The following AACS variants were observed in gnomAD, a reference collection of about 807,000 sequenced individuals.
AACS encodes the protein acetoacetate-CoA ligase.
A neutral mutation model predicts 83.1 loss-of-function variants in AACS; 69 were observed. The ratio of observed to expected loss-of-function variants is 0.83; its 90% CI spans 0.68 to 1.01. AACS has a LOEUF of 1.01. AACS is among the 50% of genes least tolerant of loss of function. The pLI is 0.00. For synonymous variants in AACS, 333 were observed against 343.4 expected (o/e 0.97, Z 0.33); for missense variants, 866 against 882.2 (o/e 0.98, Z 0.23).
chr12:125,141,032 A>G lies in AACS; in HGVS notation c.1882-1060A>G, dbSNP rs531418167. 4 of 152,392 alleles carry G rather than the reference A, an allele frequency of 2.6e-5. No homozygotes were observed. In the East Asian group the frequency reaches 7.7e-4, roughly 29 times the overall value. The allele number at this position is 152,392 out of a possible 1,614,324, so 9.4% of individuals were successfully genotyped here. ...TCTGAAGCTGTGTGTGCACTGATTC[A>G]TTCACCCAGTGACTCACAGCCTTAT... On this transcript the variant is annotated intron_variant, in intron 17 of 17. Coordinates refer to ENST00000316519, the MANE Select transcript of AACS (RefSeq NM_023928.5).
intron 7 of AACS, 138 bp from the exon 8 acceptor site, chr12:125,106,983 C>G: frequency 7.8e-7 from 1 of 1,283,586 alleles, no homozygotes; most frequent in East Asian, 2.4e-5. Context: ...CAGGAAGTTT[C>G]CAAATCTGGC....
At chr12:125,091,207 G>A (rs1053204662) in intron 4 of AACS, 4 of 575,624 alleles carry the variant, frequency 6.9e-6, no homozygotes, top group African/African-American at 5.6e-5. Context: ...CGGGGTCATT[G>A]TCATCAGAGC....
chr12:125,065,880 A>G (rs1955676605), intron 1 of AACS, among the ~76,000 whole-genome samples, 163 bp downstream of exon 1: 1 of 152,172 alleles, frequency 6.6e-6, no homozygotes, highest in Non-Finnish European at 1.5e-5. Context: ...CTTGGGGAAC[A>G]TCACCCCTCC....
In AACS at chr12:125,085,945, A is replaced by G. The variant is rs1306589830; in HGVS notation, c.359-385A>G. Among the ~76,000 whole-genome samples the G allele has an allele frequency of 2.0e-5, 3 of 151,964 alleles. No homozygotes were observed. The East Asian group carries it at 5.8e-4, about 29-fold the overall frequency. The stretch of plus-strand genomic sequence containing the variant: ...GCTGGGACTACAGACGTGTGCCACT[A>G]TGCCTGGCTAATTTTTACGTTTTTG... On this transcript the variant is annotated intron_variant, in intron 3 of 17. Transcript: ENST00000316519.
At chr12:125,089,413 A>G (rs1354545469) in intron 4 of AACS, among the ~76,000 whole-genome samples, 1 of 152,108 alleles carries the variant, frequency 6.6e-6, no homozygotes, top group Non-Finnish European at 1.5e-5. Context: ...GGCCTTGTTC[A>G]TGGCCCTTCG....
At chr12:125,072,285 A>G (rs756028729) in intron 1 of AACS, among the ~76,000 whole-genome samples, 1 of 151,516 alleles carries the variant, frequency 6.6e-6, no homozygotes, top group African/African-American at 2.4e-5. Context: ...TCCCTGCCCC[A>G]GTTCTTGTGA....
At chr12:125,102,377 T>G (rs1592973874) in intron 5 of AACS, 1 of 302,058 alleles carries the variant, frequency 3.3e-6, no homozygotes. Context: ...TGGCTACGGG[T>G]GCTGGGGACA....
At chr12:125,103,145 G>C in intron 7 of AACS, 64 bp downstream of exon 7, 2 of 1,417,128 alleles carry the variant, frequency 1.4e-6, no homozygotes, top group Non-Finnish European at 2.0e-6. Context: ...CGGGGAAGTA[G>C]GCCTCTGGAT....
chr12:125,074,978 T>G (rs1013653182), intron 2 of AACS, among the ~76,000 whole-genome samples: 1 of 149,088 alleles, frequency 6.7e-6, no homozygotes. Flanking sequence ...TGTCATAGTT[T>G]TTTTTTTTTT....
Position 125,124,896 on chromosome 12 carries a change from C to T in AACS, c.1187-6C>T, listed in dbSNP as rs747876897. 6.2e-7 allele frequency: 1 copy of T among 1,614,186 alleles called. No individual in the cohort carries two copies. The highest frequency in any genetic ancestry group is 2.2e-5 in the East Asian group (1 of 44,888). ...GTTTTAATCTTTTGGTGACTCTGCACCCCAGTGGAAACCCACAGTCTCCAG... is the reference window on the plus strand; with the variant it reads ...GTTTTAATCTTTTGGTGACTCTGCATCCCAGTGGAAACCCACAGTCTCCAG... On this transcript the variant is annotated splice_region_variant and splice_polypyrimidine_tract_variant and intron_variant, in intron 11 of 17. Coordinates refer to ENST00000316519, the MANE Select transcript of AACS (RefSeq NM_023928.5).
At chr12:125,085,380 TCCA>T (rs1592954168) in intron 3 of AACS, among the ~76,000 whole-genome samples, 1 of 152,306 alleles carries the variant, frequency 6.6e-6, no homozygotes, top group East Asian at 1.9e-4. Flanking sequence ...GCACGTTGCA[TCCA>T]CATCTGTTTC....
At chr12:125,128,127 TA>T (rs761267580) in intron 12 of AACS, 33 bp from the exon 13 acceptor site, 1 of 1,549,024 alleles carries the variant, frequency 6.5e-7, no homozygotes, top group South Asian at 1.2e-5. Flanking sequence ...CTTGGGCTTC[TA>T]AATTTTGAGT....
At chr12:125,110,147 G>A (rs1956921946) in intron 8 of AACS, among the ~76,000 whole-genome samples, 1 of 150,916 alleles carries the variant, frequency 6.6e-6, no homozygotes, top group Non-Finnish European at 1.5e-5. Flanking sequence ...AGCCTCCTGA[G>A]TAGCTGGGAT....
intron 4 of AACS, among the ~76,000 whole-genome samples, chr12:125,086,864 T>TGGAGGGAGGAA (rs1478334662): frequency 6.6e-6 from 1 of 151,756 alleles, no homozygotes; most frequent in Non-Finnish European, 1.5e-5. Context: ...ACGGGCTTGC[T>TGGAGGGAGGAA]GGAGGGAGGA....
At position 125,103,080 on chromosome 12, in the gene AACS, A is replaced by G. The variant is rs1421676270; in HGVS notation, c.766A>G (p.Ser256Gly). 1 of 1,613,556 alleles carries G rather than the reference A, an allele frequency of 6.2e-7. No homozygotes were observed. Among genetic ancestry groups the G allele is most frequent in the Non-Finnish European group, 8.5e-7 (1 of 1,179,842 alleles). Residue 256 changes from serine to glycine, a missense_variant and splice_region_variant, in exon 7 of 18, where the codon AGT becomes GGT. Coordinates refer to ENST00000316519, the MANE Select transcript of AACS (RefSeq NM_023928.5). ...CATAGACCTTTCAAAGATTCCAAAC[A>G]GGTAATGTACCGCATTCTGACCCAC... ...ENIDLSKIPN[S>G]VFLDDFLATG...
intron 17 of AACS, chr12:125,138,843 G>A (rs1239015834): frequency 6.6e-6 from 1 of 152,110 alleles, no homozygotes; most frequent in Non-Finnish European, 1.5e-5. Context: ...TTATTGCTGA[G>A]CTAGGGAGGG....
intron 7 of AACS, 79 bp from the exon 8 acceptor site, chr12:125,107,042 A>C: frequency 5.6e-5 from 86 of 1,546,738 alleles, no homozygotes; most frequent in Non-Finnish European, 6.4e-5. Context: ...AACAGAGGGA[A>C]GTGCACGGGT....
At chr12:125,095,400 C>T (rs944287017) in intron 5 of AACS, among the ~76,000 whole-genome samples, 6 of 152,174 alleles carry the variant, frequency 3.9e-5, no homozygotes, top group East Asian at 1.9e-4. Flanking sequence ...TATTTGAGCC[C>T]CAGATCACTG....
intron 1 of AACS, 119 bp downstream of exon 1, chr12:125,065,836 G>C: frequency 2.9e-6 from 4 of 1,359,100 alleles, no homozygotes; most frequent in Non-Finnish European, 3.8e-6. Context: ...ACTTGATGGC[G>C]GGGAGGCCTT....
Sources: gnomAD v4.1 joint callset for allele counts (sites outside exome capture counted in the v4.1 genomes callset) on GRCh38, gnomAD v4.1.1 for gene constraint, MANE v1.5 for transcripts, NCBI Gene and HGNC (gene_info 2026-07-23, HGNC 2026-07-21) for gene names.